The following SSBP2 variants were observed in gnomAD, a reference collection of about 807,000 sequenced individuals.
SSBP2 encodes the protein single stranded DNA binding protein 2, also known as single-stranded DNA-binding protein 2.
SSBP2 carries 17 observed loss-of-function variants against 61.8 expected under a neutral mutation model. That is an observed-to-expected ratio of 0.28 (90% CI 0.19 to 0.41). The LOEUF is 0.41. Among genes scored for constraint, SSBP2 ranks in the 10% least tolerant of loss-of-function variants. The probability of loss-of-function intolerance (pLI) is 1.00; values close to 1 mark genes in which losing one functional copy is unlikely to be tolerated. For synonymous variants in SSBP2, 139 were observed against 141.3 expected, an observed-to-expected ratio of 0.98 and a Z score of 0.12; for missense variants, 310 against 458.7, an observed-to-expected ratio of 0.68 and a Z score of 2.96.
At chr5:81,493,287 TAGA>T (rs1207631194) in intron 5 of SSBP2, among the ~76,000 whole-genome samples, 37 of 151,678 alleles carry the variant, frequency 2.4e-4, no homozygotes, top group African/African-American at 8.2e-4. Context: ...GATAGATAGA[TAGA>T]TAGATAGATA....
intron 1 of SSBP2, among the ~76,000 whole-genome samples, chr5:81,722,220 C>A (rs1037468044): frequency 2.0e-5 from 3 of 151,958 alleles, no homozygotes; most frequent in African/African-American, 7.2e-5. Flanking sequence ...GCATTAGGAT[C>A]TTACTAGATC....
chr5:81,657,948 T>C (rs1750363687), intron 1 of SSBP2, among the ~76,000 whole-genome samples: 1 of 152,150 alleles, frequency 6.6e-6, no homozygotes, highest in Admixed American at 6.6e-5. Flanking sequence ...CATATAAATA[T>C]TCATAATATA....
intron 15 of SSBP2, among the ~76,000 whole-genome samples, chr5:81,435,757 G>A (rs1471375245): frequency 6.6e-6 from 1 of 152,132 alleles, no homozygotes; most frequent in East Asian, 1.9e-4. Flanking sequence ...TTAGGGAGAT[G>A]GCCTAAAACT....
chr5:81,473,259 C>T (rs186565860), intron 8 of SSBP2, among the ~76,000 whole-genome samples: 21 of 152,280 alleles, frequency 1.4e-4, no homozygotes, highest in African/African-American at 5.1e-4. Context: ...ATTTATTTTA[C>T]TTTAAGTTTC....
intron 8 of SSBP2, among the ~76,000 whole-genome samples, chr5:81,467,845 T>C (rs1338476680): frequency 6.6e-6 from 1 of 151,998 alleles, no homozygotes; most frequent in East Asian, 1.9e-4. Flanking sequence ...GCTCTTTTTA[T>C]TTTGCTAAAC....
chr5:81,428,987 A>G (rs1020859749), intron 15 of SSBP2, among the ~76,000 whole-genome samples: 2 of 148,354 alleles, frequency 1.3e-5, no homozygotes, highest in African/African-American at 2.6e-5. Flanking sequence ...AAAACACTGG[A>G]GAGTTTAAAA....
At chr5:81,432,940 G>A (rs1360746661) in intron 15 of SSBP2, among the ~76,000 whole-genome samples, 1 of 142,848 alleles carries the variant, frequency 7.0e-6, no homozygotes, top group Non-Finnish European at 1.5e-5. Flanking sequence ...GGTGGGGGGG[G>A]TCAGCCCCCC....
At chr5:81,699,179 A>G (rs906226821) in intron 1 of SSBP2, among the ~76,000 whole-genome samples, 2 of 152,246 alleles carry the variant, frequency 1.3e-5, no homozygotes, top group Admixed American at 1.3e-4. Flanking sequence ...AGTAATCCTT[A>G]GCTGGTGTAG....
chr5:81,751,172 C>T, upstream of SSBP2: 1 of 960,402 alleles, frequency 1.0e-6, no homozygotes, highest in Non-Finnish European at 1.6e-6. Flanking sequence ...CAAAGCTCCG[C>T]CCCCTTCGCC....
At chr5:81,673,927 A>C (rs1751773554) in intron 1 of SSBP2, among the ~76,000 whole-genome samples, 1 of 152,212 alleles carries the variant, frequency 6.6e-6, no homozygotes, top group Non-Finnish European at 1.5e-5. Flanking sequence ...CCAATCAATG[A>C]AAGTGTAAAA....
At chr5:81,750,796 C>T in intron 1 of SSBP2, 185 bp downstream of exon 1, 1 of 668,528 alleles carries the variant, frequency 1.5e-6, no homozygotes, top group Admixed American at 3.0e-5. Context: ...CCGCCCAGCG[C>T]CCGCACCTCC....
At chr5:81,698,833 A>C (rs1753766413) in intron 1 of SSBP2, among the ~76,000 whole-genome samples, 1 of 152,144 alleles carries the variant, frequency 6.6e-6, no homozygotes. Context: ...CACTGCATAC[A>C]TTTGCCAGGT....
chr5:81,481,783 T>A (rs990264648), intron 6 of SSBP2, among the ~76,000 whole-genome samples: 86 of 151,564 alleles, frequency 5.7e-4, no homozygotes. Context: ...GGGTATAAGA[T>A]GTGTTACCAA....
intron 12 of SSBP2, among the ~76,000 whole-genome samples, chr5:81,446,486 G>A (rs1763409132): frequency 6.6e-6 from 1 of 152,004 alleles, no homozygotes; most frequent in Non-Finnish European, 1.5e-5. Context: ...AATAGATGTG[G>A]TGAGTCTGAT....
At chr5:81,732,295 C>T (rs1405847656) in intron 1 of SSBP2, among the ~76,000 whole-genome samples, 1 of 151,934 alleles carries the variant, frequency 6.6e-6, no homozygotes, top group Non-Finnish European at 1.5e-5. Context: ...ATGAATAAAT[C>T]AATATAAACA....
Position 81,744,678 on chromosome 5 carries a change from G to A in SSBP2, c.62+6303C>T, listed in dbSNP as rs749662575. Among the ~76,000 whole-genome samples the A allele has an allele frequency of 1.2e-4, 18 of 151,232 alleles. 1 individual carries two copies. The highest frequency in any genetic ancestry group is 2.2e-4 in the Non-Finnish European group (15 of 67,874). ...TTTTTCTGTGCTGAACTACTTGTTT[G>A]ACATTATAGCCATGAAGCAAAATTA... On this transcript the variant is annotated intron_variant, in intron 1 of 16. Transcript: ENST00000320672.
rs1340563723 is a variant in SSBP2, at chr5:81,414,739, C to G, written c.*5765G>C. ...AACATGGGTGTGCTAAACCTACGCA[C>G]AGGAGACTCCATCTGCGTATGTCTT... On this transcript the variant is annotated 3_prime_UTR_variant, in exon 17 of 17. Coordinates refer to ENST00000320672, the MANE Select transcript of SSBP2 (RefSeq NM_012446.5). The G allele has an allele frequency of 6.6e-6, 1 of 152,202 alleles. No homozygotes were observed. The highest frequency in any genetic ancestry group is 1.5e-5 in the Non-Finnish European group (1 of 68,036). 9.4% of individuals were successfully genotyped at this position (152,202 alleles called of 1,614,324 possible). A position where few individuals can be genotyped will look rare whatever the true frequency, so the allele number is the denominator to read the frequency against.
intron 1 of SSBP2, among the ~76,000 whole-genome samples, chr5:81,736,188 A>ACT (rs1491389425): frequency 3.0e-5 from 1 of 33,636 alleles, no homozygotes; most frequent in South Asian, 8.9e-4. Context: ...ACACACACAC[A>ACT]CTCTACGGCA....
chr5:81,702,464 A>G (rs554050013), intron 1 of SSBP2, among the ~76,000 whole-genome samples: 4 of 152,354 alleles, frequency 2.6e-5, no homozygotes, highest in Admixed American at 2.6e-4. Flanking sequence ...TCTCACTTAT[A>G]TAAGGGCTCT....
Sources: allele counts gnomAD v4.1 joint callset (sites outside exome capture counted in the v4.1 genomes callset), GRCh38; gene constraint gnomAD v4.1.1; transcripts MANE v1.5; gene names NCBI Gene and HGNC (gene_info 2026-07-23, HGNC 2026-07-21).